The following CSMD3 variants were observed in gnomAD, a reference collection of about 807,000 sequenced individuals.
CSMD3 encodes CUB and sushi domain-containing protein 3.
Under a neutral mutation model 435.2 loss-of-function variants are expected in CSMD3, and 177 were observed. That is an observed-to-expected ratio of 0.41 (90% CI 0.36 to 0.46). The LOEUF is 0.46. CSMD3 is among the 20% of genes least tolerant of loss of function. The pLI is 0.34. For synonymous variants in CSMD3, 1,656 were observed against 1,520.5 expected (o/e 1.09, Z -2.07); for missense variants, 4,265 against 4,504.6 (o/e 0.95, Z 1.52).
rs997908637 is a variant in CSMD3, at chr8:112,391,294, C to T, written c.5810-506G>A. Among the ~76,000 whole-genome samples, 7 of 152,130 alleles carry T rather than the reference C, an allele frequency of 4.6e-5. No individual in the cohort carries two copies. The South Asian group carries it at 1.2e-3, about 27-fold the overall frequency. ...TCTAAGTACTTTACATATTTTAACT[C>T]ATTTAAGCCTTCCAACAACTAATGA... is the stretch of plus-strand genomic sequence containing the variant. On this transcript the variant is annotated intron_variant, in intron 35 of 70. Transcript: ENST00000297405.
intron 1 of CSMD3, among the ~76,000 whole-genome samples, chr8:113,428,712 T>C (rs769332347): frequency 1.5e-4 from 23 of 151,882 alleles, no homozygotes; most frequent in Admixed American, 8.5e-4. Context: ...GAATGTCTCG[T>C]ATCCTCTCTA....
intron 3 of CSMD3, among the ~76,000 whole-genome samples, chr8:113,218,786 A>G (rs117609106): frequency 0.028 from 4,201 of 151,458 alleles, 83 homozygotes; most frequent in Non-Finnish European, 0.039. Flanking sequence ...GCTTGGGGCC[A>G]GAAATGCTTC....
intron 10 of CSMD3, among the ~76,000 whole-genome samples, chr8:112,914,804 A>T (rs1178043785): frequency 5.3e-5 from 8 of 151,848 alleles, no homozygotes; most frequent in Non-Finnish European, 7.4e-5. Flanking sequence ...GACATTCTAA[A>T]GGTTACAGTG....
intron 32 of CSMD3, among the ~76,000 whole-genome samples, chr8:112,443,554 C>T (rs957538295): frequency 2.6e-5 from 4 of 151,908 alleles, no homozygotes; most frequent in Non-Finnish European, 5.9e-5. Flanking sequence ...ATTTCTTGGT[C>T]AAAGATGTTA....
chr8:112,743,564 C>T (rs1232260654), intron 13 of CSMD3, among the ~76,000 whole-genome samples: 1 of 151,646 alleles, frequency 6.6e-6, no homozygotes, highest in East Asian at 1.9e-4. Flanking sequence ...TATACAAAAA[C>T]TTAAAAAAAT....
At position 112,503,770 on chromosome 8, in the gene CSMD3, C is replaced by T. The variant is rs912436385; in HGVS notation, c.5083+20G>A. ...TCTATAATTTAAATCATGATACTAA[C>T]ATGGAATGTTCATATTTACCTTTGT... On this transcript the variant is annotated intron_variant, in intron 30 of 70. Coordinates refer to ENST00000297405, the MANE Select transcript of CSMD3 (RefSeq NM_198123.2). 6 of 1,546,722 alleles carry T rather than the reference C, an allele frequency of 3.9e-6. No homozygotes were observed. The highest frequency in any genetic ancestry group is 1.1e-5 in the South Asian group (1 of 89,228).
chr8:112,924,403 A>T (rs946471178), intron 9 of CSMD3, among the ~76,000 whole-genome samples: 1 of 152,114 alleles, frequency 6.6e-6, no homozygotes, highest in Non-Finnish European at 1.5e-5. Context: ...GGATTCATTT[A>T]ATTACTATTT....
chr8:112,937,686 C>G (rs1283429882), intron 9 of CSMD3, among the ~76,000 whole-genome samples: 3 of 151,974 alleles, frequency 2.0e-5, no homozygotes, highest in Admixed American at 6.6e-5. Flanking sequence ...CCCAAAGAGG[C>G]CAGAAACACC....
chr8:112,466,077 A>G (rs1817929979), intron 32 of CSMD3, among the ~76,000 whole-genome samples: 1 of 152,196 alleles, frequency 6.6e-6, no homozygotes, highest in Non-Finnish European at 1.5e-5. Context: ...CATATTGTGA[A>G]TATGTGTCAT....
intron 3 of CSMD3, among the ~76,000 whole-genome samples, chr8:113,244,557 G>A (rs1404131525): frequency 2.6e-5 from 4 of 152,072 alleles, no homozygotes; most frequent in East Asian, 1.9e-4. Context: ...CTCATGATCC[G>A]CCTGCCTCAG....
chr8:112,448,065 G>T (rs1815820048), intron 32 of CSMD3, among the ~76,000 whole-genome samples: 1 of 152,056 alleles, frequency 6.6e-6, no homozygotes, highest in Non-Finnish European at 1.5e-5. Flanking sequence ...CCATAGACTG[G>T]GTTGTTCAAA....
At chr8:112,450,371 C>A (rs1816121746) in intron 32 of CSMD3, among the ~76,000 whole-genome samples, 1 of 152,088 alleles carries the variant, frequency 6.6e-6, no homozygotes, top group African/African-American at 2.4e-5. Context: ...TAGTTTGATC[C>A]ACCAGAAAAT....
At chr8:112,994,621 C>G (rs2085576428) in intron 6 of CSMD3, among the ~76,000 whole-genome samples, 1 of 151,502 alleles carries the variant, frequency 6.6e-6, no homozygotes, top group Non-Finnish European at 1.5e-5. Context: ...CTATGTTACA[C>G]TGATAAAATT....
intron 31 of CSMD3, among the ~76,000 whole-genome samples, chr8:112,486,786 G>A (rs191649725): frequency 5.9e-5 from 9 of 152,164 alleles, no homozygotes; most frequent in Middle Eastern, 3.4e-3. Context: ...TCACAGTACT[G>A]TTTTTATTTC....
chr8:113,251,793 G>A (rs949974156), intron 3 of CSMD3, among the ~76,000 whole-genome samples: 26 of 152,150 alleles, frequency 1.7e-4, no homozygotes, highest in Admixed American at 1.4e-3. Flanking sequence ...TAGCTTTAGT[G>A]ACCTGAATTC....
chr8:113,271,214 G>A (rs1797128314), intron 3 of CSMD3, among the ~76,000 whole-genome samples: 3 of 151,988 alleles, frequency 2.0e-5, no homozygotes, highest in Admixed American at 6.6e-5. Context: ...CCCATTTTTT[G>A]GGGAGAAATT....
Position 113,142,069 on chromosome 8 carries a change from A to T in CSMD3, c.709+31653T>A, listed in dbSNP as rs192117132. Among the ~76,000 whole-genome samples, 547 of 151,306 alleles carry T rather than the reference A, an allele frequency of 3.6e-3. 1 individual carries two copies. The Middle Eastern group carries it at 0.037, about 10-fold the overall frequency. On this transcript the variant is annotated intron_variant, in intron 4 of 70. Transcript: ENST00000297405. ...ACTTAGGTGTGAACCTAACAAAACTAGTACAGGAACTGTATCCCCCAAAAT... is the reference window on the plus strand; with the variant it reads ...ACTTAGGTGTGAACCTAACAAAACTTGTACAGGAACTGTATCCCCCAAAAT...
At chr8:112,569,817 C>T (rs1373382652) in intron 24 of CSMD3, among the ~76,000 whole-genome samples, 1 of 152,150 alleles carries the variant, frequency 6.6e-6, no homozygotes, top group Non-Finnish European at 1.5e-5. Flanking sequence ...ATTCCTTTCT[C>T]TTTGCCTGTA....
At chr8:112,542,459 A>C (rs1826768979) in intron 27 of CSMD3, among the ~76,000 whole-genome samples, 1 of 151,974 alleles carries the variant, frequency 6.6e-6, no homozygotes, top group Non-Finnish European at 1.5e-5. Flanking sequence ...AAATTCAATA[A>C]AGTTTCAGGA....
Sources: gnomAD v4.1 joint callset for allele counts (sites outside exome capture counted in the v4.1 genomes callset) on GRCh38, gnomAD v4.1.1 for gene constraint, MANE v1.5 for transcripts, NCBI Gene and HGNC (gene_info 2026-07-23, HGNC 2026-07-21) for gene names.